The following DHTKD1 variants were observed in gnomAD, a reference collection of about 807,000 sequenced individuals.
DHTKD1 encodes the protein dehydrogenase E1 and transketolase domain containing 1.
Under a neutral mutation model 101.8 loss-of-function variants are expected in DHTKD1, and 78 were observed. The ratio of observed to expected loss-of-function variants is 0.77; its 90% CI spans 0.64 to 0.93. The LOEUF (loss-of-function observed/expected upper bound fraction) is 0.93. Ranked by LOEUF, DHTKD1 falls within the 40% of genes least tolerant of loss-of-function variation. The probability of loss-of-function intolerance (pLI) is 0.00; values close to 1 mark genes in which losing one functional copy is unlikely to be tolerated. For synonymous variants in DHTKD1, 462 were observed against 450.3 expected (o/e 1.03, Z -0.33); for missense variants, 1,223 against 1,161.7 (o/e 1.05, Z -0.77).
At chr10:12,073,161 T>G (rs927307970) in intron 1 of DHTKD1, among the ~76,000 whole-genome samples, 2 of 152,054 alleles carry the variant, frequency 1.3e-5, no homozygotes, top group Admixed American at 6.6e-5. Flanking sequence ...GTCTCCTGAT[T>G]AGCTGAGATT....
At chr10:12,090,820 C>A (rs2131360000) in intron 5 of DHTKD1, among the ~76,000 whole-genome samples, 1 of 152,238 alleles carries the variant, frequency 6.6e-6, no homozygotes, top group South Asian at 2.1e-4. Flanking sequence ...ATCTTGAAAT[C>A]ATTAGCCAGA....
chr10:12,069,390 G>A (rs1167691178), intron 1 of DHTKD1, among the ~76,000 whole-genome samples: 1 of 152,170 alleles, frequency 6.6e-6, no homozygotes. Flanking sequence ...CTCTGTAACT[G>A]AGGATCTTTG....
At chr10:12,091,058 A>G (rs1224837426) in intron 5 of DHTKD1, among the ~76,000 whole-genome samples, 1 of 152,046 alleles carries the variant, frequency 6.6e-6, no homozygotes, top group Non-Finnish European at 1.5e-5. Context: ...CGTCTCAAAA[A>G]AAAACAAAAA....
Position 12,120,847 on chromosome 10 carries a change from T to C in DHTKD1, c.2719T>C (p.Leu907=). The part of the protein sequence containing the change: ...VPAVGIGTVH[L]HQHEDILAKT... ...CGCTGTAGGAATTGGCACAGTTCAC[T>C]TGCACCAGCATGAAGATATCCTCGC... The change falls in exon 17 of 17, where the codon TTG becomes CTG. Residue 907 remains leucine, a synonymous_variant. Transcript: ENST00000263035. 6.2e-7 allele frequency: 1 copy of C among 1,614,100 alleles called. No homozygotes were observed. The highest frequency in any genetic ancestry group is 8.5e-7 in the Non-Finnish European group (1 of 1,179,952).
At chr10:12,120,049 C>T (rs912366103) in intron 15 of DHTKD1, 133 bp from the exon 16 acceptor site, 5 of 675,204 alleles carry the variant, frequency 7.4e-6, no homozygotes, top group Non-Finnish European at 1.3e-5. Flanking sequence ...ACTTGAAGTA[C>T]AGTTTCTAGT....
At position 12,081,520 on chromosome 10, in the gene DHTKD1, A is replaced by G. The variant is rs1290688889; in HGVS notation, c.203A>G (p.His68Arg). The G allele has an allele frequency of 6.2e-7, 1 of 1,614,024 alleles. No individual in the cohort carries two copies. The highest frequency in any genetic ancestry group is 1.1e-5 in the South Asian group (1 of 91,088). ...GTGACAGTATATTGTGAGCATGGTC[A>G]TAAAGCTGCCAAAATCAACCCCCTC... is the stretch of plus-strand genomic sequence containing the variant. ...RLVTVYCEHG[H>R]KAAKINPLFT... Residue 68 changes from histidine (H) to arginine (R), a missense_variant, in exon 2 of 17, where the codon CAT (histidine) becomes CGT (arginine). Physicochemically the swap from His to Arg is conservative, Grantham distance 29 (BLOSUM62 0). Coordinates refer to ENST00000263035, the MANE Select transcript of DHTKD1 (RefSeq NM_018706.7).
At chr10:12,078,330 T>C (rs1312465805) in intron 1 of DHTKD1, among the ~76,000 whole-genome samples, 1 of 151,522 alleles carries the variant, frequency 6.6e-6, no homozygotes, top group African/African-American at 2.4e-5. Context: ...GAGACTGAGA[T>C]GGGAGAATTG....
At position 12,069,037 on chromosome 10, in the gene DHTKD1, G is replaced by A; in HGVS notation, c.4G>A (p.Ala2Thr). Residue 2 changes from alanine to threonine, a missense_variant, in exon 1 of 17, where the codon GCC (alanine) becomes ACC (threonine). By Grantham distance (58) the Ala-to-Thr change is moderately conservative. Transcript: ENST00000263035. Reference sequence around the variant, plus strand: ...CTGGCCGGGACATCTGGTGAACATGGCCTCTGCTACTGCGGCAGCAGCACG... The same window carrying A: ...CTGGCCGGGACATCTGGTGAACATGACCTCTGCTACTGCGGCAGCAGCACG... The part of the protein sequence containing the change: M[A>T]SATAAAARRG... 1 of 1,613,272 alleles carries A rather than the reference G, an allele frequency of 6.2e-7. No homozygotes were observed. Among genetic ancestry groups the A allele is most frequent in the Non-Finnish European group, 8.5e-7 (1 of 1,179,644 alleles).
At chr10:12,078,749 G>T (rs992345368) in intron 1 of DHTKD1, among the ~76,000 whole-genome samples, 1 of 151,912 alleles carries the variant, frequency 6.6e-6, no homozygotes, top group South Asian at 2.1e-4. Context: ...GCACCATCTC[G>T]GCTCACTGCA....
rs192351605 is a variant in DHTKD1 at position 12,119,903 on chromosome 10, G to C, written c.2573-279G>C. Among the ~76,000 whole-genome samples, 83 of 152,296 alleles carry C rather than the reference G, an allele frequency of 5.4e-4. 1 individual carries two copies. The East Asian group carries it at 0.016, about 29-fold the overall frequency. ...GCCTAGCCTGCCTTAAACATGCTCA[G>C]AACACTCACATTAGCTTATCGTTGG... is the stretch of plus-strand genomic sequence containing the variant. On this transcript the variant is annotated intron_variant, in intron 15 of 16. Transcript: ENST00000263035.
chr10:12,101,096 G>A lies in DHTKD1; in HGVS notation c.1811G>A (p.Arg604Lys). 1 of 1,614,052 alleles carries A rather than the reference G, an allele frequency of 6.2e-7. No homozygotes were observed. The highest frequency in any genetic ancestry group is 8.5e-7 in the Non-Finnish European group (1 of 1,180,004). The change falls in exon 10 of 17, where the codon AGG becomes AAG. Residue 604 changes from arginine to lysine, a missense_variant. Arg to Lys is a conservative substitution (Grantham distance 26, BLOSUM62 2). Transcript: ENST00000263035. Reference protein sequence around the residue: ...QDVGRGTFSQRHAIVVCQETD... With the variant: ...QDVGRGTFSQKHAIVVCQETD... ...GTTGGTCGTGGAACTTTCAGTCAGAGGCATGCAATCGTGGTTTGCCAGGAG... is the reference window on the plus strand; with the variant it reads ...GTTGGTCGTGGAACTTTCAGTCAGAAGCATGCAATCGTGGTTTGCCAGGAG...
rs536751691 is a variant in DHTKD1, at chr10:12,103,673, G to T, written c.1896+2492G>T. ...TGGGACTACAGGCAAGCACCACCAC[G>T]CCTGGCTACTTTTAAATATTTTGTA... On this transcript the variant is annotated intron_variant, in intron 10 of 16. Transcript: ENST00000263035. The surrounding 1 kb of genome is among the most constrained non-coding windows in gnomAD (Gnocchi z 4.8). Among the ~76,000 whole-genome samples the T allele has an allele frequency of 6.6e-6, 1 of 152,140 alleles. No individual in the cohort carries two copies. Among genetic ancestry groups the T allele is most frequent in the East Asian group, 1.9e-4 (1 of 5,174 alleles).
chr10:12,118,645 G>T (rs1272717049), intron 14 of DHTKD1, 104 bp from the exon 15 acceptor site: 2 of 884,332 alleles, frequency 2.3e-6, no homozygotes, highest in Non-Finnish European at 3.2e-6. Flanking sequence ...GCCTCCCAAA[G>T]TGCTGAGATT....
chr10:12,112,741 G>A (rs755054690), intron 12 of DHTKD1, among the ~76,000 whole-genome samples, 159 bp from the exon 13 acceptor site: 11 of 152,136 alleles, frequency 7.2e-5, no homozygotes, highest in African/African-American at 2.2e-4. Flanking sequence ...ATACCGCACC[G>A]TTCATAAATT....
chr10:12,113,166 CT>C (rs1286005705), intron 13 of DHTKD1, 102 bp downstream of exon 13: 3 of 1,089,142 alleles, frequency 2.8e-6, no homozygotes, highest in Non-Finnish European at 3.9e-6. Flanking sequence ...ACAGAAACAC[CT>C]TTTTAGTTTC....
At chr10:12,072,483 AT>A (rs1484955042) in intron 1 of DHTKD1, among the ~76,000 whole-genome samples, 1 of 47,682 alleles carries the variant, frequency 2.1e-5, no homozygotes, top group African/African-American at 4.5e-5. Context: ...AAATAAATAA[AT>A]AAATAAATAA....
At chr10:12,118,716 C>A in intron 14 of DHTKD1, 33 bp from the exon 15 acceptor site, 1 of 1,449,430 alleles carries the variant, frequency 6.9e-7, no homozygotes, top group South Asian at 1.5e-5. Context: ...AAAAATTTCT[C>A]CCCCACCCTA....
intron 15 of DHTKD1, among the ~76,000 whole-genome samples, chr10:12,119,509 G>C (rs11257547): frequency 6.6e-6 from 1 of 150,696 alleles, no homozygotes; most frequent in Non-Finnish European, 1.5e-5. Context: ...CCAGCTACTT[G>C]GGAGGCTGAC....
chr10:12,106,786 C>G (rs1833255826), intron 11 of DHTKD1, among the ~76,000 whole-genome samples: 1 of 152,176 alleles, frequency 6.6e-6, no homozygotes, highest in African/African-American at 2.4e-5. Context: ...GATGCCCACT[C>G]TTGGGTTTTG....
Sources: allele counts gnomAD v4.1 joint callset (sites outside exome capture counted in the v4.1 genomes callset), GRCh38; gene constraint gnomAD v4.1.1; non-coding constraint Gnocchi (gnomAD v3.1); transcripts MANE v1.5; gene names NCBI Gene and HGNC (gene_info 2026-07-23, HGNC 2026-07-21).